Variants in UNC13C observed in about 807,000 individuals in gnomAD.
UNC13C encodes unc-13 homolog C, also known as protein unc-13 homolog C.
In UNC13C, 174 loss-of-function variants were observed where a neutral mutation model predicts 245.4. The observed-to-expected ratio is 0.71, with a 90% confidence interval of 0.63 to 0.80. The LOEUF (loss-of-function observed/expected upper bound fraction) is 0.80. UNC13C is among the 30% of genes least tolerant of loss of function. The pLI is 0.00. For missense variants in UNC13C, 2,829 were observed against 2,602.9 expected (o/e 1.09, Z -1.89); for synonymous variants, 992 against 895.1 (o/e 1.11, Z -1.93).
At chr15:54,419,220 C>T (rs1476019469) in intron 19 of UNC13C, among the ~76,000 whole-genome samples, 2 of 152,230 alleles carry the variant, frequency 1.3e-5, no homozygotes, top group African/African-American at 4.8e-5. Flanking sequence ...ATACCATGCT[C>T]TTTTGATAGA....
At chr15:53,922,977 C>G in the UNC13C span, among the ~76,000 whole-genome samples, 1 of 152,154 alleles carries the variant, frequency 6.6e-6, no homozygotes, top group Non-Finnish European at 1.5e-5. Flanking sequence ...GTTTACTAAG[C>G]CACTCTATAC....
chr15:54,506,674 T>C (rs982574040), intron 22 of UNC13C, among the ~76,000 whole-genome samples: 1 of 152,088 alleles, frequency 6.6e-6, no homozygotes, highest in African/African-American at 2.4e-5. Context: ...CTTTGGAGTG[T>C]CTCCCTCAGT....
chr15:54,331,524 T>C (rs1341881731), intron 14 of UNC13C, among the ~76,000 whole-genome samples: 1 of 152,126 alleles, frequency 6.6e-6, no homozygotes, highest in Non-Finnish European at 1.5e-5. Context: ...ATATGAAGTC[T>C]GCATTTGCTT....
rs768200847 is a variant in UNC13C, at chr15:54,525,537, G to A, written c.5458-12G>A. On this transcript the variant is annotated splice_polypyrimidine_tract_variant and intron_variant, in intron 24 of 32. Transcript: ENST00000260323. The stretch of plus-strand genomic sequence containing the variant: ...AAACTCCAAAGTAATATTGTTTATG[G>A]TCTCTCTGCAGCTAGATTCTGAAGC... 9.3e-6 allele frequency: 15 copies of A among 1,606,664 alleles called. No individual in the cohort carries two copies. The highest frequency in any genetic ancestry group is 1.2e-5 in the Non-Finnish European group (14 of 1,175,510).
At chr15:53,894,137 A>C in the UNC13C span, among the ~76,000 whole-genome samples, 1 of 151,972 alleles carries the variant, frequency 6.6e-6, no homozygotes, top group Non-Finnish European at 1.5e-5. Context: ...GCGACACCCC[A>C]CCCTGCTTTG....
chr15:54,463,520 G>A (rs939347884), intron 19 of UNC13C, among the ~76,000 whole-genome samples: 15 of 151,836 alleles, frequency 9.9e-5, no homozygotes, highest in African/African-American at 1.7e-4. Flanking sequence ...AACTCTGGAG[G>A]AGAGGAGCAA....
chr15:54,417,138 A>T (rs2040539462), intron 19 of UNC13C: 4 of 351,078 alleles, frequency 1.1e-5, no homozygotes, highest in Admixed American at 4.0e-5. Flanking sequence ...CCAAAATGTA[A>T]TTTTTTTGTC....
At chr15:54,000,777 G>C (rs1016720422) in intron 1 of UNC13C, among the ~76,000 whole-genome samples, 1 of 152,096 alleles carries the variant, frequency 6.6e-6, no homozygotes, top group African/African-American at 2.4e-5. Context: ...TTTTTGTTTA[G>C]ACACTCGAGG....
At chr15:54,506,627 AG>A (rs1894487530) in intron 22 of UNC13C, among the ~76,000 whole-genome samples, 1 of 152,082 alleles carries the variant, frequency 6.6e-6, no homozygotes, top group Non-Finnish European at 1.5e-5. Flanking sequence ...TAGCGAATTC[AG>A]GTTTATAAAT....
chr15:54,507,277 T>G (rs2141109972), intron 23 of UNC13C, 83 bp downstream of exon 23: 1 of 919,024 alleles, frequency 1.1e-6, no homozygotes, highest in East Asian at 2.7e-5. Context: ...GATAAATTGT[T>G]GACTTTCAGT....
rs71105821 is a variant in UNC13C, at chr15:54,589,289, C to CTTTTTTTTTTTTTTTTTTTTTTTTT, written c.6106+21345_6106+21369dup. 2.6e-4 allele frequency among the ~76,000 whole-genome samples: 14 copies of CTTTTTTTTTTTTTTTTTTTTTTTTT among 53,498 alleles called. 3 individuals carry two copies. The highest frequency in any genetic ancestry group is 4.8e-4 in the African/African-American group (7 of 14,624). The allele number at this position is 53,498 out of a possible 152,430, so 35.1% of individuals were successfully genotyped here. A position where few individuals can be genotyped will look rare whatever the true frequency, so the allele number is the denominator to read the frequency against. ...GCCATTTGTATATCTTCTTCTTCTT[C>CTTTTTTTTTTTTTTTTTTTTTTTTT]TTTTTTTTTTTTTTTTTTTTTTTTT... On this transcript the variant is annotated intron_variant, in intron 30 of 32. Transcript: ENST00000260323.
chr15:53,917,793 A>T, the UNC13C span, among the ~76,000 whole-genome samples: 1 of 152,198 alleles, frequency 6.6e-6, no homozygotes, highest in African/African-American at 2.4e-5. Flanking sequence ...AGGATTTGAG[A>T]CTATGTAAAA....
At chr15:53,916,459 G>A in the UNC13C span, among the ~76,000 whole-genome samples, 1 of 152,182 alleles carries the variant, frequency 6.6e-6, no homozygotes. Flanking sequence ...GGAATGGAAA[G>A]GATGAGGGGA....
chr15:54,227,484 C>T (rs1158262526), intron 4 of UNC13C, among the ~76,000 whole-genome samples: 6 of 152,208 alleles, frequency 3.9e-5, no homozygotes, highest in African/African-American at 1.4e-4. Context: ...CATGCTGAGC[C>T]ACCTGCAGCA....
chr15:54,074,903 CA>C (rs1165730379), intron 2 of UNC13C, among the ~76,000 whole-genome samples: 1 of 114,294 alleles, frequency 8.7e-6, no homozygotes, highest in Admixed American at 8.5e-5. Context: ...CCAGAACTTC[CA>C]ATACTATGTT....
intron 4 of UNC13C, among the ~76,000 whole-genome samples, chr15:54,207,812 A>C (rs1897073): frequency 0.018 from 2,755 of 152,210 alleles, 95 homozygotes; most frequent in African/African-American, 0.063. Flanking sequence ...TTGGGTTCAA[A>C]TGTAAGCTTT....
chr15:54,285,471 C>CTAATAGGAAATGTGA (rs2037119990), intron 10 of UNC13C, among the ~76,000 whole-genome samples: 1 of 152,172 alleles, frequency 6.6e-6, no homozygotes, highest in South Asian at 2.1e-4. Flanking sequence ...TGATCAATCA[C>CTAATAGGAAATGTGA]TAATAGGAAA....
At chr15:54,592,620 G>C (rs1302464065) in intron 30 of UNC13C, among the ~76,000 whole-genome samples, 1 of 152,116 alleles carries the variant, frequency 6.6e-6, no homozygotes, top group Non-Finnish European at 1.5e-5. Flanking sequence ...AGCTACCCCT[G>C]CTTGCTTTTG....
chr15:54,071,040 A>T (rs1313514573), intron 2 of UNC13C, among the ~76,000 whole-genome samples: 1 of 152,158 alleles, frequency 6.6e-6, no homozygotes, highest in Non-Finnish European at 1.5e-5. Flanking sequence ...TCCTATATGA[A>T]CTTTTATGAA....
Sources: allele counts gnomAD v4.1 joint callset (sites outside exome capture counted in the v4.1 genomes callset), GRCh38; gene constraint gnomAD v4.1.1; transcripts MANE v1.5; gene names NCBI Gene and HGNC (gene_info 2026-07-23, HGNC 2026-07-21).